ATE1: variants seen among roughly 807,000 people sequenced by gnomAD.
ATE1 encodes the protein arginyl-tRNA--protein transferase 1.
In ATE1, 36 loss-of-function variants were observed where a neutral mutation model predicts 70.5. The observed-to-expected ratio is 0.51, with a 90% CI of 0.39 to 0.67. The LOEUF (loss-of-function observed/expected upper bound fraction) is 0.67. ATE1 is among the 30% of genes least tolerant of loss of function. The pLI is 0.00. For synonymous variants in ATE1, 232 were observed against 219.3 expected (o/e 1.06, Z -0.51); for missense variants, 593 against 629.5 (o/e 0.94, Z 0.62).
intron 8 of ATE1, among the ~76,000 whole-genome samples, chr10:121,848,612 C>CAAAA (rs148470774): frequency 8.5e-6 from 1 of 117,476 alleles, no homozygotes. Flanking sequence ...GAGTGAAACT[C>CAAAA]AAAAAAAAAA....
At chr10:121,872,520 AT>A (rs568769874) in intron 7 of ATE1, among the ~76,000 whole-genome samples, 49 of 152,132 alleles carry the variant, frequency 3.2e-4, no homozygotes, top group African/African-American at 1.1e-3. Context: ...ATTTTTTTTT[AT>A]GTTTCACTTC....
Position 121,863,339 on chromosome 10 carries a change from C to T in ATE1, c.975+6667G>A, listed in dbSNP as rs1949543942. 4.0e-5 allele frequency among the ~76,000 whole-genome samples: 6 copies of T among 150,964 alleles called. No individual in the cohort carries two copies. The South Asian group carries it at 6.3e-4, about 16-fold the overall frequency. On this transcript the variant is annotated intron_variant, in intron 8 of 11. Coordinates refer to ENST00000224652, the MANE Select transcript of ATE1 (RefSeq NM_001001976.3). The stretch of plus-strand genomic sequence containing the variant: ...CACGATCTTGGCTCACTGCAACCTC[C>T]GCCTCCCGGGTTCAAGCGATTCTCC...
At chr10:121,850,448 C>G (rs544242244) in intron 8 of ATE1, among the ~76,000 whole-genome samples, 1 of 152,314 alleles carries the variant, frequency 6.6e-6, no homozygotes, top group East Asian at 1.9e-4. Flanking sequence ...AACTCACTTA[C>G]CATTCTCTAT....
intron 8 of ATE1, among the ~76,000 whole-genome samples, chr10:121,844,604 A>C (rs542462903): frequency 6.6e-6 from 1 of 152,194 alleles, no homozygotes; most frequent in Non-Finnish European, 1.5e-5. Context: ...TTGAAAACTT[A>C]TGTCACACAA....
At position 121,740,784 on chromosome 10, in the gene ATE1, C is replaced by T. The variant is rs763305429; in HGVS notation, c.*2896G>A. 3.9e-5 allele frequency: 6 copies of T among 151,994 alleles called. No individual in the cohort carries two copies. Among genetic ancestry groups the T allele is most frequent in the Non-Finnish European group, 7.4e-5 (5 of 67,958 alleles). 9.4% of individuals were successfully genotyped at this position (151,994 alleles called of 1,614,324 possible). On this transcript the variant is annotated 3_prime_UTR_variant, in exon 12 of 12. Transcript: ENST00000224652. The stretch of plus-strand genomic sequence containing the variant: ...TGACACGTTAAGAAACTACACACAA[C>T]AAATATTTGCAAAATGAATGAAAAA...
intron 11 of ATE1, among the ~76,000 whole-genome samples, chr10:121,756,888 G>T (rs569153657): frequency 6.6e-6 from 1 of 152,180 alleles, no homozygotes; most frequent in Non-Finnish European, 1.5e-5. Flanking sequence ...TTCCCCCACC[G>T]TCTTGGAGAT....
At chr10:121,877,256 A>G (rs1019319234) in intron 7 of ATE1, among the ~76,000 whole-genome samples, 1 of 152,188 alleles carries the variant, frequency 6.6e-6, no homozygotes, top group Non-Finnish European at 1.5e-5. Flanking sequence ...TCTCATAAGA[A>G]GTATGGAAAT....
intron 2 of ATE1, 34 bp downstream of exon 2, chr10:121,924,232 C>G: frequency 6.3e-7 from 1 of 1,597,502 alleles, no homozygotes; most frequent in Non-Finnish European, 8.6e-7. Flanking sequence ...ACCTGAGTAA[C>G]AGTAGGAAGT....
chr10:121,768,937 T>C (rs1302294096), intron 11 of ATE1, among the ~76,000 whole-genome samples: 2 of 152,162 alleles, frequency 1.3e-5, no homozygotes, highest in African/African-American at 2.4e-5. Context: ...TCCATGTTCA[T>C]GGGCCCAAAG....
intron 11 of ATE1, among the ~76,000 whole-genome samples, chr10:121,762,558 C>T (rs1945088664): frequency 6.6e-6 from 1 of 152,120 alleles, no homozygotes; most frequent in South Asian, 2.1e-4. Flanking sequence ...TCAAGGTACT[C>T]CAGTTTCCTG....
intron 5 of ATE1, among the ~76,000 whole-genome samples, chr10:121,907,402 T>C (rs1194609395): frequency 6.6e-6 from 1 of 151,082 alleles, no homozygotes; most frequent in Non-Finnish European, 1.5e-5. Flanking sequence ...GAAGCAGAGG[T>C]TGCAGTGAGC....
rs75733463 is a variant in ATE1 at position 121,830,895 on chromosome 10, T to G, written c.1257+5823A>C. 7.8e-3 allele frequency among the ~76,000 whole-genome samples: 1,195 copies of G among 152,282 alleles called. 17 individuals carry two copies. Among genetic ancestry groups the G allele is most frequent in the African/African-American group, 0.028 (1,155 of 41,558 alleles). On this transcript the variant is annotated intron_variant, in intron 10 of 11. Transcript: ENST00000224652. ...GGGAACGTAATATATTGGAAAAAAT[T>G]TAAAGTTTTATTTAAATGGGAACAT...
intron 5 of ATE1, among the ~76,000 whole-genome samples, chr10:121,905,013 AC>A (rs1490614668): frequency 2.6e-5 from 4 of 152,228 alleles, no homozygotes; most frequent in African/African-American, 9.6e-5. Context: ...TTCTTGGACT[AC>A]AGACTGTGTC....
At chr10:121,881,413 A>C (rs1032858668) in intron 7 of ATE1, among the ~76,000 whole-genome samples, 3 of 152,192 alleles carry the variant, frequency 2.0e-5, no homozygotes, top group South Asian at 2.1e-4. Context: ...TATGAACAAG[A>C]AGCTCTACCA....
intron 10 of ATE1, among the ~76,000 whole-genome samples, chr10:121,812,340 T>C (rs374994052): frequency 1.1e-4 from 16 of 152,104 alleles, no homozygotes; most frequent in Non-Finnish European, 1.9e-4. Flanking sequence ...AAAAATATCA[T>C]CTTTCCTGTT....
intron 7 of ATE1, among the ~76,000 whole-genome samples, chr10:121,876,699 G>T (rs1030986473): frequency 6.6e-6 from 1 of 152,158 alleles, no homozygotes; most frequent in African/African-American, 2.4e-5. Flanking sequence ...GGGCGCGGTG[G>T]CTCACGCCTG....
At chr10:121,750,064 A>C (rs1434169412) in intron 11 of ATE1, among the ~76,000 whole-genome samples, 1 of 152,220 alleles carries the variant, frequency 6.6e-6, no homozygotes, top group Non-Finnish European at 1.5e-5. Context: ...AAACCTAAGC[A>C]AAAATACTTA....
At chr10:121,745,562 CCAAAAAACA>C (rs1564803041) in intron 11 of ATE1, among the ~76,000 whole-genome samples, 7 of 151,828 alleles carry the variant, frequency 4.6e-5, no homozygotes, top group Non-Finnish European at 7.4e-5. Flanking sequence ...TAAAAAAAAA[CCAAAAAACA>C]AAAAAATTAG....
intron 8 of ATE1, among the ~76,000 whole-genome samples, chr10:121,865,045 T>A (rs769710748): frequency 1.3e-5 from 2 of 152,348 alleles, no homozygotes; most frequent in South Asian, 4.1e-4. Flanking sequence ...TATCACTTCA[T>A]GTAATGTTAG....
Sources: gnomAD v4.1 joint callset for allele counts (sites outside exome capture counted in the v4.1 genomes callset) on GRCh38, gnomAD v4.1.1 for gene constraint, MANE v1.5 for transcripts, NCBI Gene and HGNC (gene_info 2026-07-23, HGNC 2026-07-21) for gene names.